The following ANK2 variants were observed in gnomAD, a reference collection of about 807,000 sequenced individuals.
ANK2 encodes the protein ankyrin 2.
In ANK2, 83 loss-of-function variants were observed where a neutral mutation model predicts 360.5. That is an observed-to-expected ratio of 0.23 (90% CI 0.19 to 0.28). The LOEUF is 0.28. Among genes scored for constraint, ANK2 ranks in the 10% least tolerant of loss-of-function variants. The pLI, the probability that ANK2 is intolerant of heterozygous loss-of-function variation, is 1.00. For missense variants in ANK2, 4,201 were observed against 4,795.7 expected (o/e 0.88, Z 3.66); for synonymous variants, 1,740 against 1,759.5 (o/e 0.99, Z 0.28).
rs1257039963 is a variant in ANK2, at chr4:113,174,479, T to A, written c.148T>A (p.Tyr50Asn). 3 of 1,613,082 alleles carry A rather than the reference T, an allele frequency of 1.9e-6. No homozygotes were observed. In the African/African-American group the frequency reaches 4.0e-5, roughly 22 times the overall value. The change falls in exon 2 of 46, where the codon TAT becomes AAT. Residue 50 changes from tyrosine to asparagine, a missense_variant. Coordinates refer to ENST00000357077, the MANE Select transcript of ANK2 (RefSeq NM_001148.6). The stretch of plus-strand genomic sequence containing the variant: ...AGGCAACCTGGACAAAGTTGTGGAA[T>A]ATCTGAAGGGGGGCATAGACATCAA... ...RAGNLDKVVEYLKGGIDINTC... is the reference protein window; with the variant it reads ...RAGNLDKVVENLKGGIDINTC...
At chr4:113,278,693 C>G (rs2032880738) in intron 17 of ANK2, 135 bp downstream of exon 17, 1 of 839,238 alleles carries the variant, frequency 1.2e-6, no homozygotes, top group Admixed American at 2.2e-5. Context: ...GTATTGACAC[C>G]CTTTTTTTTC....
At chr4:112,992,782 C>T (rs990428496) in intron 2 of ANK2, among the ~76,000 whole-genome samples, 2 of 152,132 alleles carry the variant, frequency 1.3e-5, no homozygotes, top group African/African-American at 4.8e-5. Flanking sequence ...AATACCATCA[C>T]ATTGTGCATT....
chr4:113,117,157 T>C lies in ANK2; in HGVS notation c.85-57259T>C, dbSNP rs918928654. 4 of 385,452 alleles carry C rather than the reference T, an allele frequency of 1.0e-5. No homozygotes were observed. The East Asian group carries it at 2.9e-4, about 28-fold the overall frequency. 23.9% of individuals were successfully genotyped at this position (385,452 alleles called of 1,614,324 possible). A position where few individuals can be genotyped will look rare whatever the true frequency, so the allele number is the denominator to read the frequency against. On this transcript the variant is annotated intron_variant, in intron 1 of 45. Transcript: ENST00000357077. Reference sequence around the variant, plus strand: ...TAGCTCGGGGGCGGAGTGGATTATCTTGTGAGTGTTCTGGCTGCCAGCCAT... The same window carrying C: ...TAGCTCGGGGGCGGAGTGGATTATCCTGTGAGTGTTCTGGCTGCCAGCCAT...
At chr4:112,904,749 T>C (rs2084636060) in intron 2 of ANK2, among the ~76,000 whole-genome samples, 1 of 152,134 alleles carries the variant, frequency 6.6e-6, no homozygotes, top group African/African-American at 2.4e-5. Context: ...AAATAGATTG[T>C]CTCTTCCTCA....
At chr4:112,839,384 G>A (rs2061637114) in intron 1 of ANK2, among the ~76,000 whole-genome samples, 2 of 151,934 alleles carry the variant, frequency 1.3e-5, no homozygotes, top group South Asian at 2.1e-4. Flanking sequence ...ATCTGCTGAT[G>A]GAGCATACAC....
At chr4:113,047,539 G>A (rs573917732), upstream of ANK2, among the ~76,000 whole-genome samples, 5 of 152,274 alleles carry the variant, frequency 3.3e-5, no homozygotes, top group South Asian at 8.3e-4. Context: ...CTAATGGGAC[G>A]AGGTGAGGGA....
intron 9 of ANK2, among the ~76,000 whole-genome samples, chr4:113,246,026 C>T (rs1183406431): frequency 2.6e-5 from 4 of 152,162 alleles, no homozygotes; most frequent in Non-Finnish European, 5.9e-5. Flanking sequence ...AAACTCCTGA[C>T]CTCAGGTGAT....
At chr4:113,338,118 CTG>C (rs2093783764) in intron 31 of ANK2, among the ~76,000 whole-genome samples, 1 of 151,914 alleles carries the variant, frequency 6.6e-6, no homozygotes, top group South Asian at 2.1e-4. Flanking sequence ...TTGTATTTTT[CTG>C]TGTCATGTAG....
In ANK2 at chr4:112,917,981, C is replaced by G. The variant is rs532495758; in HGVS notation, c.21+13467C>G. Among the ~76,000 whole-genome samples, 4 of 152,320 alleles carry G rather than the reference C, an allele frequency of 2.6e-5. No individual in the cohort carries two copies. In the East Asian group the frequency reaches 5.8e-4, roughly 22 times the overall value. Reference sequence around the variant, plus strand: ...GCACTACCTGCATAAAAAAGATTATCTGGCTACCAGGATTGGAGTGCTGGA... The same window carrying G: ...GCACTACCTGCATAAAAAAGATTATGTGGCTACCAGGATTGGAGTGCTGGA... On this transcript the variant is annotated intron_variant, in intron 2 of 30. Coordinates refer to the ANK2 transcript ENST00000503271.
chr4:113,061,906 T>C (rs923655352), intron 1 of ANK2, among the ~76,000 whole-genome samples: 1 of 152,126 alleles, frequency 6.6e-6, no homozygotes, highest in Admixed American at 6.6e-5. Context: ...ATAGATACCC[T>C]GTTTACCCTG....
intron 24 of ANK2, among the ~76,000 whole-genome samples, chr4:113,314,707 C>A (rs1187229315): frequency 6.6e-6 from 1 of 152,004 alleles, no homozygotes; most frequent in Non-Finnish European, 1.5e-5. Context: ...GAGAATAATT[C>A]TTTAGTTATT....
intron 2 of ANK2, among the ~76,000 whole-genome samples, chr4:113,012,226 A>G (rs1367705627): frequency 6.6e-6 from 1 of 152,148 alleles, no homozygotes; most frequent in East Asian, 1.9e-4. Context: ...CAGGACCTGG[A>G]GTTATAGAAA....
At chr4:112,708,147 C>T in the ANK2 span, among the ~76,000 whole-genome samples, 1 of 152,262 alleles carries the variant, frequency 6.6e-6, no homozygotes, top group African/African-American at 2.4e-5. Flanking sequence ...AATAGAAAAA[C>T]GGAAGGGAAA....
chr4:113,089,721 G>A (rs2086779210), intron 1 of ANK2, among the ~76,000 whole-genome samples: 1 of 152,294 alleles, frequency 6.6e-6, no homozygotes, highest in South Asian at 2.1e-4. Context: ...CTACTCGGGA[G>A]GCTGAGGCAG....
intron 24 of ANK2, among the ~76,000 whole-genome samples, chr4:113,317,122 G>A (rs776794431): frequency 6.6e-6 from 1 of 152,152 alleles, no homozygotes; most frequent in Non-Finnish European, 1.5e-5. Context: ...CTCCACTTCC[G>A]CAGGAAGCAT....
At chr4:113,324,538 A>G (rs931403279) in intron 26 of ANK2, among the ~76,000 whole-genome samples, 2 of 152,160 alleles carry the variant, frequency 1.3e-5, no homozygotes, top group African/African-American at 4.8e-5. Context: ...TTTTTCTCAA[A>G]TGCACGCTAT....
chr4:113,199,426 G>A (rs549157957), intron 4 of ANK2, among the ~76,000 whole-genome samples: 14 of 152,060 alleles, frequency 9.2e-5, no homozygotes, highest in African/African-American at 2.9e-4. Flanking sequence ...TGCAAGTTTC[G>A]TGTTACTCTA....
At chr4:113,218,450 C>G (rs1327658355) in intron 4 of ANK2, among the ~76,000 whole-genome samples, 2 of 105,204 alleles carry the variant, frequency 1.9e-5, no homozygotes, top group Non-Finnish European at 4.2e-5. Flanking sequence ...CATTAAATGA[C>G]CAAAAAAAAA....
chr4:112,905,031 G>A (rs917841675), intron 2 of ANK2, among the ~76,000 whole-genome samples: 4 of 152,024 alleles, frequency 2.6e-5, no homozygotes, highest in Admixed American at 6.6e-5. Context: ...GGGGAAGGAG[G>A]GAAGAAGGAA....
Sources: allele counts gnomAD v4.1 joint callset (sites outside exome capture counted in the v4.1 genomes callset), GRCh38; gene constraint gnomAD v4.1.1; transcripts MANE v1.5; gene names NCBI Gene and HGNC (gene_info 2026-07-23, HGNC 2026-07-21).